PAPSS1: variants seen among roughly 807,000 people sequenced by gnomAD.
The protein encoded by PAPSS1 is 3'-phosphoadenosine 5'-phosphosulfate synthase 1.
Under a neutral mutation model 72.0 loss-of-function variants are expected in PAPSS1, and 50 were observed. That is an observed-to-expected ratio of 0.69 (90% CI 0.55 to 0.88). PAPSS1 has a LOEUF of 0.88. Ranked by LOEUF, PAPSS1 falls within the 40% of genes least tolerant of loss-of-function variation. The pLI is 0.00. For missense variants in PAPSS1, 657 were observed against 782.2 expected (o/e 0.84, Z 1.91); for synonymous variants, 261 against 263.6 (o/e 0.99, Z 0.09).
intron 10 of PAPSS1, among the ~76,000 whole-genome samples, chr4:107,633,641 T>C (rs924796897): frequency 6.6e-6 from 1 of 151,894 alleles, no homozygotes; most frequent in Admixed American, 6.6e-5. Context: ...GATTGGTGGC[T>C]GGGCACAGTG....
Position 107,614,296 on chromosome 4 carries a change from C to A in PAPSS1, c.1828G>T (p.Ala610Ser). 6.2e-7 allele frequency: 1 copy of A among 1,613,994 alleles called. No individual in the cohort carries two copies. The highest frequency in any genetic ancestry group is 8.5e-7 in the Non-Finnish European group (1 of 1,179,914). ...KPPEGFMAPK[A>S]WTVLTEYYKS... ...TAGTATTCTGTCAGCACGGTCCAAG[C>A]CTTGGGAGCCATGAAACCTTCAGGT... Residue 610 changes from alanine to serine, a missense_variant, in exon 12 of 12, where the codon GCT becomes TCT. Coordinates refer to ENST00000265174, the MANE Select transcript of PAPSS1 (RefSeq NM_005443.5).
chr4:107,670,146 T>C (rs1278441736), intron 5 of PAPSS1, among the ~76,000 whole-genome samples: 1 of 152,192 alleles, frequency 6.6e-6, no homozygotes, highest in Non-Finnish European at 1.5e-5. Flanking sequence ...CAGAACAAGT[T>C]ATTTTAAAAG....
intron 11 of PAPSS1, among the ~76,000 whole-genome samples, chr4:107,614,667 T>C (rs765168321): frequency 2.7e-4 from 41 of 152,194 alleles, no homozygotes; most frequent in Non-Finnish European, 5.1e-4. Flanking sequence ...CCAGTCACCA[T>C]TGTACCCTTT....
At chr4:107,673,781 T>C (rs1161788968) in intron 5 of PAPSS1, among the ~76,000 whole-genome samples, 1 of 151,866 alleles carries the variant, frequency 6.6e-6, no homozygotes, top group Non-Finnish European at 1.5e-5. Flanking sequence ...GAAAAAATGT[T>C]AAGGGCAGCC....
At chr4:107,686,992 C>A in intron 4 of PAPSS1, 47 bp downstream of exon 4, 2 of 1,532,742 alleles carry the variant, frequency 1.3e-6, no homozygotes, top group African/African-American at 1.4e-5. Flanking sequence ...GATATGGGAA[C>A]ATAAAATATC....
chr4:107,712,043 A>G (rs1387568414), intron 1 of PAPSS1, among the ~76,000 whole-genome samples: 1 of 152,248 alleles, frequency 6.6e-6, no homozygotes, highest in Non-Finnish European at 1.5e-5. Flanking sequence ...TTATCTCATC[A>G]GTACCATCTG....
chr4:107,684,502 C>A (rs576050039), intron 4 of PAPSS1, among the ~76,000 whole-genome samples: 1 of 152,182 alleles, frequency 6.6e-6, no homozygotes, highest in South Asian at 2.1e-4. Flanking sequence ...TTCTTCCAGA[C>A]CCTCCCAATC....
chr4:107,659,749 C>G (rs1014368436), intron 6 of PAPSS1, among the ~76,000 whole-genome samples: 1 of 152,068 alleles, frequency 6.6e-6, no homozygotes, highest in East Asian at 1.9e-4. Flanking sequence ...TATTATTACT[C>G]AAAGCAAATC....
At chr4:107,679,812 A>G (rs1399843928) in intron 5 of PAPSS1, among the ~76,000 whole-genome samples, 1 of 151,936 alleles carries the variant, frequency 6.6e-6, no homozygotes, top group Non-Finnish European at 1.5e-5. Flanking sequence ...TTTAACTGGG[A>G]TTAAGTTAAA....
At chr4:107,648,634 T>A (rs893811496) in intron 9 of PAPSS1, among the ~76,000 whole-genome samples, 1 of 152,190 alleles carries the variant, frequency 6.6e-6, no homozygotes, top group African/African-American at 2.4e-5. Context: ...ATTCCTTTCT[T>A]CCCTCCCACC....
chr4:107,614,437 A>AT, intron 11 of PAPSS1, 50 bp from the exon 12 acceptor site: 1 of 1,461,348 alleles, frequency 6.8e-7, no homozygotes, highest in Non-Finnish European at 9.4e-7. Context: ...AGAAACTTAG[A>AT]TTTTTAAAAA....
intron 6 of PAPSS1, 34 bp from the exon 7 acceptor site, chr4:107,657,041 T>A (rs1209128998): frequency 1.5e-6 from 2 of 1,370,312 alleles, no homozygotes; most frequent in Admixed American, 3.4e-5. Flanking sequence ...AAATTTTCTA[T>A]TGCATGTATA....
At chr4:107,660,890 A>C (rs1328716477) in intron 5 of PAPSS1, among the ~76,000 whole-genome samples, 1 of 152,222 alleles carries the variant, frequency 6.6e-6, no homozygotes. Flanking sequence ...GTTATTCAAA[A>C]TAAAGTAATT....
chr4:107,707,612 C>T (rs1723371833), intron 1 of PAPSS1, among the ~76,000 whole-genome samples: 2 of 152,170 alleles, frequency 1.3e-5, no homozygotes, highest in African/African-American at 2.4e-5. Flanking sequence ...TCTTTCTCCA[C>T]GTGCTGCCTG....
At chr4:107,690,677 T>C (rs543235756) in intron 3 of PAPSS1, among the ~76,000 whole-genome samples, 1 of 152,300 alleles carries the variant, frequency 6.6e-6, no homozygotes, top group South Asian at 2.1e-4. Flanking sequence ...TACAGAAAAA[T>C]ACACATGTCC....
chr4:107,657,058 C>A (rs1174389677), intron 6 of PAPSS1, 51 bp from the exon 7 acceptor site: 1 of 1,117,846 alleles, frequency 8.9e-7, no homozygotes, highest in South Asian at 1.2e-5. Context: ...TATATATGAG[C>A]AAAAGCAGTG....
rs1400861570 is a variant in PAPSS1, at chr4:107,701,292, A to C, written c.61-7T>G. 3.2e-5 allele frequency: 50 copies of C among 1,579,480 alleles called. No individual in the cohort carries two copies. The highest frequency in any genetic ancestry group is 4.2e-5 in the Non-Finnish European group (49 of 1,154,632). On this transcript the variant is annotated splice_region_variant and splice_polypyrimidine_tract_variant and intron_variant, in intron 1 of 11. Coordinates refer to ENST00000265174, the MANE Select transcript of PAPSS1 (RefSeq NM_005443.5). ...TGGTTGCTCTCTGCATTCCCTAGAAAAAAAAGAAAAAAAAAATTCTAGTTT... is the reference window on the plus strand; with the variant it reads ...TGGTTGCTCTCTGCATTCCCTAGAACAAAAAGAAAAAAAAAATTCTAGTTT...
chr4:107,691,518 A>G (rs976482937), intron 3 of PAPSS1, among the ~76,000 whole-genome samples: 4 of 152,192 alleles, frequency 2.6e-5, no homozygotes, highest in Non-Finnish European at 5.9e-5. Flanking sequence ...GCTATTGTTC[A>G]ACAAACACTA....
Position 107,715,557 on chromosome 4 carries a change from G to A in PAPSS1, c.60+4563C>T, listed in dbSNP as rs933060996. Among the ~76,000 whole-genome samples, 10 of 152,156 alleles carry A rather than the reference G, an allele frequency of 6.6e-5. 1 individual carries two copies. The South Asian group carries it at 8.3e-4, about 13-fold the overall frequency. ...CCAGAATGTGCTGCTGGCCTTCTAC[G>A]AAAAACATCCACATATAAGGAGACA... On this transcript the variant is annotated intron_variant, in intron 1 of 11. Transcript: ENST00000265174.
Sources: gnomAD v4.1 joint callset for allele counts (sites outside exome capture counted in the v4.1 genomes callset) on GRCh38, gnomAD v4.1.1 for gene constraint, MANE v1.5 for transcripts, NCBI Gene and HGNC (gene_info 2026-07-23, HGNC 2026-07-21) for gene names.